CARMIL1: variants seen among roughly 807,000 people sequenced by gnomAD.
The protein encoded by CARMIL1 is capping protein regulator and myosin 1 linker 1, also known as F-actin-uncapping protein LRRC16A.
CARMIL1 carries 90 observed loss-of-function variants against 177.1 expected under a neutral mutation model. The ratio of observed to expected loss-of-function variants is 0.51; its 90% CI spans 0.43 to 0.61. CARMIL1 has a LOEUF of 0.61. Among genes scored for constraint, CARMIL1 ranks in the 20% least tolerant of loss-of-function variants. The pLI is 0.00. For synonymous variants in CARMIL1, 577 were observed against 606.2 expected (o/e 0.95, Z 0.71); for missense variants, 1,380 against 1,667.0 (o/e 0.83, Z 3.00).
chr6:25,388,737 A>G (rs907560404), intron 2 of CARMIL1, among the ~76,000 whole-genome samples: 4 of 152,066 alleles, frequency 2.6e-5, no homozygotes, highest in African/African-American at 9.7e-5. Context: ...TGGCATGATC[A>G]TAGCTCACTG....
intron 31 of CARMIL1, 67 bp downstream of exon 31, chr6:25,581,506 G>C: frequency 1.4e-6 from 2 of 1,435,482 alleles, no homozygotes; most frequent in South Asian, 2.8e-5. Flanking sequence ...AAGTTGGAGG[G>C]TCTTGCTAAA....
chr6:25,438,916 C>G (rs763701417), intron 5 of CARMIL1, among the ~76,000 whole-genome samples: 36 of 151,062 alleles, frequency 2.4e-4, no homozygotes, highest in Non-Finnish European at 3.1e-4. Context: ...AAGTAGAAAG[C>G]TAATTTGGAC....
At chr6:25,590,151 C>G (rs1310038289) in intron 31 of CARMIL1, among the ~76,000 whole-genome samples, 1 of 152,196 alleles carries the variant, frequency 6.6e-6, no homozygotes, top group Non-Finnish European at 1.5e-5. Flanking sequence ...TAAATAGACA[C>G]AAAGCAGTTT....
intron 2 of CARMIL1, among the ~76,000 whole-genome samples, chr6:25,295,908 C>A (rs957966553): frequency 1.3e-5 from 2 of 152,164 alleles, no homozygotes; most frequent in Non-Finnish European, 2.9e-5. Context: ...TTGCCCTTGT[C>A]GTGGGACTTT....
chr6:25,438,529 G>C (rs1366741993), intron 5 of CARMIL1, among the ~76,000 whole-genome samples: 3 of 152,226 alleles, frequency 2.0e-5, no homozygotes, highest in Non-Finnish European at 4.4e-5. Context: ...AGACCTAGGG[G>C]AAGAGAAGGC....
intron 11 of CARMIL1, among the ~76,000 whole-genome samples, chr6:25,479,486 A>G (rs563637302): frequency 6.6e-6 from 1 of 152,296 alleles, no homozygotes; most frequent in African/African-American, 2.4e-5. Flanking sequence ...TTATAATTCA[A>G]CGCCTGTAAG....
At chr6:25,380,524 G>A (rs555728620) in intron 2 of CARMIL1, among the ~76,000 whole-genome samples, 1 of 152,126 alleles carries the variant, frequency 6.6e-6, no homozygotes, top group African/African-American at 2.4e-5. Flanking sequence ...GGGTTGGGAA[G>A]GTAAATGGAA....
At chr6:25,600,901 A>G (rs1815337411) in intron 33 of CARMIL1, among the ~76,000 whole-genome samples, 155 bp downstream of exon 33, 1 of 152,192 alleles carries the variant, frequency 6.6e-6, no homozygotes, top group Non-Finnish European at 1.5e-5. Context: ...TCTTCTTGCT[A>G]TTTTGAAATT....
chr6:25,565,155 T>C (rs1309101075), intron 29 of CARMIL1, among the ~76,000 whole-genome samples: 2 of 152,174 alleles, frequency 1.3e-5, no homozygotes, highest in African/African-American at 4.8e-5. Context: ...CTAGTATAAA[T>C]TGAGGAACCC....
chr6:25,409,000 A>G (rs1487516489), intron 2 of CARMIL1, among the ~76,000 whole-genome samples: 1 of 152,164 alleles, frequency 6.6e-6, no homozygotes, highest in Non-Finnish European at 1.5e-5. Flanking sequence ...GAAAAATAAA[A>G]TTTAGGAGGT....
At chr6:25,514,813 A>G (rs377632327) in intron 20 of CARMIL1, among the ~76,000 whole-genome samples, 16 of 152,134 alleles carry the variant, frequency 1.1e-4, no homozygotes, top group East Asian at 5.8e-4. Context: ...AGTTCCAGCT[A>G]CTCAGGAGGC....
At chr6:25,375,900 C>G (rs1378539352) in intron 2 of CARMIL1, among the ~76,000 whole-genome samples, 1 of 151,888 alleles carries the variant, frequency 6.6e-6, no homozygotes, top group Non-Finnish European at 1.5e-5. Context: ...ATTGTTTTTT[C>G]AATTTCTTTA....
intron 2 of CARMIL1, chr6:25,350,508 C>G (rs1788004375): frequency 6.6e-6 from 1 of 152,134 alleles, no homozygotes; most frequent in African/African-American, 2.4e-5. Context: ...CTCATTTGGC[C>G]CTTTATTCTC....
intron 23 of CARMIL1, among the ~76,000 whole-genome samples, chr6:25,520,696 T>C (rs1455752375): frequency 6.6e-6 from 1 of 152,160 alleles, no homozygotes; most frequent in African/African-American, 2.4e-5. Flanking sequence ...GATGGATCCC[T>C]CTCTTCTTTT....
intron 2 of CARMIL1, among the ~76,000 whole-genome samples, chr6:25,360,473 AT>A (rs1167559988): frequency 6.6e-6 from 1 of 152,112 alleles, no homozygotes. Flanking sequence ...GGGGACTTTG[AT>A]TTCTGGAAGC....
intron 26 of CARMIL1, among the ~76,000 whole-genome samples, chr6:25,545,768 C>G (rs1809389588): frequency 6.6e-6 from 1 of 151,984 alleles, no homozygotes; most frequent in Non-Finnish European, 1.5e-5. Context: ...TAAAAAAGAG[C>G]CCACATGTTT....
intron 3 of CARMIL1, among the ~76,000 whole-genome samples, chr6:25,421,634 A>T: frequency 6.6e-6 from 1 of 151,166 alleles, no homozygotes; most frequent in Non-Finnish European, 1.5e-5. Flanking sequence ...CAAATGTCCA[A>T]CAATGATAGA....
chr6:25,493,804 G>A (rs1396708515), intron 15 of CARMIL1, among the ~76,000 whole-genome samples: 1 of 152,146 alleles, frequency 6.6e-6, no homozygotes, highest in Non-Finnish European at 1.5e-5. Flanking sequence ...AGCAGGAGAA[G>A]AAATATATTT....
chr6:25,335,043 C>A (rs1043236828), intron 2 of CARMIL1, among the ~76,000 whole-genome samples: 8 of 152,204 alleles, frequency 5.3e-5, no homozygotes, highest in Non-Finnish European at 1.0e-4. Context: ...TGAGGTCATG[C>A]AAATAAGAGC....
Sources: gnomAD v4.1 joint callset for allele counts (sites outside exome capture counted in the v4.1 genomes callset) on GRCh38, gnomAD v4.1.1 for gene constraint, MANE v1.5 for transcripts, NCBI Gene and HGNC (gene_info 2026-07-23, HGNC 2026-07-21) for gene names.